LRRC49: variants seen among roughly 807,000 people sequenced by gnomAD.
LRRC49 encodes leucine-rich repeat-containing protein 49.
In LRRC49, 50 loss-of-function variants were observed where a neutral mutation model predicts 83.3. The ratio of observed to expected loss-of-function variants is 0.60; its 90% CI spans 0.48 to 0.76. The LOEUF (loss-of-function observed/expected upper bound fraction) is 0.76. Ranked by LOEUF, LRRC49 falls within the 30% of genes least tolerant of loss-of-function variation. The probability of loss-of-function intolerance (pLI) is 0.00; values close to 1 mark genes in which losing one functional copy is unlikely to be tolerated. For synonymous variants in LRRC49, 286 were observed against 283.3 expected (o/e 1.01, Z -0.10); for missense variants, 704 against 809.1 (o/e 0.87, Z 1.58).
chr15:70,862,165 C>G (rs546877683), intron 1 of LRRC49, among the ~76,000 whole-genome samples: 1 of 152,184 alleles, frequency 6.6e-6, no homozygotes, highest in East Asian at 1.9e-4. Context: ...TCCTCCATTC[C>G]CCAGGAAGAC....
upstream of LRRC49, chr15:70,892,452 G>C (rs1475673381): frequency 6.5e-7 from 1 of 1,534,100 alleles, no homozygotes; most frequent in Admixed American, 2.0e-5. Flanking sequence ...CAATGGGAGG[G>C]CTCTTTGATA....
In LRRC49 at chr15:71,044,167, A is replaced by G. The variant is rs182980337; in HGVS notation, c.1858-5242A>G. ...GTTCTCATCAACAAGCTAACTTAGT[A>G]TAGGTGGCTAATGTTCAGACTATAG... On this transcript the variant is annotated intron_variant, in intron 15 of 15. Coordinates refer to ENST00000260382, the MANE Select transcript of LRRC49 (RefSeq NM_017691.5). Among the ~76,000 whole-genome samples, 33 of 152,326 alleles carry G rather than the reference A, an allele frequency of 2.2e-4. No homozygotes were observed. The East Asian group carries it at 3.1e-3, about 14-fold the overall frequency.
chr15:70,868,504 T>C (rs892267899), intron 1 of LRRC49, among the ~76,000 whole-genome samples: 1 of 152,246 alleles, frequency 6.6e-6, no homozygotes, highest in Non-Finnish European at 1.5e-5. Flanking sequence ...TCTTCAATGC[T>C]TTCAACTGGT....
At chr15:71,008,299 G>A (rs561011919) in intron 11 of LRRC49, 80 bp from the exon 12 acceptor site, 111 of 757,010 alleles carry the variant, frequency 1.5e-4, no homozygotes, top group Non-Finnish European at 2.3e-4. Flanking sequence ...AAATTGTGAA[G>A]AGCTTTTCTG....
At chr15:70,968,376 C>T (rs2036870309) in intron 9 of LRRC49, among the ~76,000 whole-genome samples, 2 of 152,114 alleles carry the variant, frequency 1.3e-5, no homozygotes, top group South Asian at 2.1e-4. Context: ...TTTCTTTATC[C>T]AGCCTAAGAT....
At position 71,051,448 on chromosome 15, in the gene LRRC49, A is replaced by C. The variant is rs913656593; in HGVS notation, c.*1836A>C. ...ACCATTTCTCATCTGGCTAGTAAAC[A>C]CTTATCTCTCCTGGGCTTATATCTT... On this transcript the variant is annotated 3_prime_UTR_variant, in exon 16 of 16. Coordinates refer to ENST00000260382, the MANE Select transcript of LRRC49 (RefSeq NM_017691.5). 1 of 152,180 alleles carries C rather than the reference A, an allele frequency of 6.6e-6. No individual in the cohort carries two copies. The highest frequency in any genetic ancestry group is 1.5e-5 in the Non-Finnish European group (1 of 68,068). 9.4% of individuals were successfully genotyped at this position (152,180 alleles called of 1,614,324 possible).
At chr15:70,957,810 T>C (rs186876588) in intron 8 of LRRC49, among the ~76,000 whole-genome samples, 1 of 152,222 alleles carries the variant, frequency 6.6e-6, no homozygotes, top group African/African-American at 2.4e-5. Flanking sequence ...TTTTGAAATG[T>C]ATCTTAATGG....
chr15:70,898,322 C>A, intron 3 of LRRC49: 1 of 664,588 alleles, frequency 1.5e-6, no homozygotes, highest in Non-Finnish European at 2.7e-6. Context: ...TCTTAGTAAA[C>A]TGGAAAAACA....
chr15:70,968,163 G>C (rs1338885140), intron 9 of LRRC49, among the ~76,000 whole-genome samples: 1 of 151,884 alleles, frequency 6.6e-6, no homozygotes, highest in Non-Finnish European at 1.5e-5. Context: ...ACAGGCCCTG[G>C]TATGTGATGT....
At chr15:70,996,723 T>C (rs1478062866) in intron 11 of LRRC49, among the ~76,000 whole-genome samples, 2 of 152,204 alleles carry the variant, frequency 1.3e-5, no homozygotes, top group East Asian at 3.8e-4. Flanking sequence ...TCATCCACTA[T>C]AGGCAATAGG....
intron 15 of LRRC49, among the ~76,000 whole-genome samples, chr15:71,043,146 A>G (rs1018736714): frequency 3.9e-5 from 6 of 152,208 alleles, no homozygotes; most frequent in Non-Finnish European, 5.9e-5. Context: ...AGTTTTCTCT[A>G]TGGAAGTATT....
At chr15:71,001,422 G>C (rs2038250155) in intron 11 of LRRC49, among the ~76,000 whole-genome samples, 1 of 152,128 alleles carries the variant, frequency 6.6e-6, no homozygotes, top group African/African-American at 2.4e-5. Context: ...CTTACTGTTA[G>C]TTGCTTTCCA....
intron 11 of LRRC49, among the ~76,000 whole-genome samples, chr15:71,005,890 G>A (rs2038440600): frequency 6.6e-6 from 1 of 152,174 alleles, no homozygotes; most frequent in African/African-American, 2.4e-5. Flanking sequence ...TATAAACATT[G>A]TTTGGCAAGC....
At position 70,979,112 on chromosome 15, in the gene LRRC49, G is replaced by A. The variant is rs188579694; in HGVS notation, c.922-989G>A. 1.0e-3 allele frequency among the ~76,000 whole-genome samples: 158 copies of A among 151,922 alleles called. 1 individual carries two copies. Among genetic ancestry groups the A allele is most frequent in the Non-Finnish European group, 1.7e-3 (113 of 67,936 alleles). On this transcript the variant is annotated intron_variant, in intron 9 of 15. Transcript: ENST00000260382. ...TTTGGTAATGAAAATTAAAAGTTAC[G>A]TGGTTATAATTTATTAAAATCTGAC...
chr15:70,867,474 T>C (rs1267986094), intron 1 of LRRC49, among the ~76,000 whole-genome samples: 1 of 152,196 alleles, frequency 6.6e-6, no homozygotes, highest in Admixed American at 6.5e-5. Flanking sequence ...GCCTATGACC[T>C]CATTTAACCC....
chr15:70,955,512 G>T (rs1484801652), intron 8 of LRRC49, among the ~76,000 whole-genome samples: 1 of 152,154 alleles, frequency 6.6e-6, no homozygotes, highest in Non-Finnish European at 1.5e-5. Flanking sequence ...TGCTCTTAGG[G>T]TCCCAGATTT....
intron 7 of LRRC49, among the ~76,000 whole-genome samples, chr15:70,922,843 A>G (rs1052177045): frequency 2.0e-5 from 3 of 152,034 alleles, no homozygotes; most frequent in African/African-American, 7.2e-5. Flanking sequence ...TTTTAAAGCA[A>G]AAAATTAATA....
chr15:70,944,044 C>G (rs1290031448), intron 8 of LRRC49, among the ~76,000 whole-genome samples: 1 of 152,162 alleles, frequency 6.6e-6, no homozygotes, highest in African/African-American at 2.4e-5. Context: ...TATTTACCTG[C>G]AGAATATCTT....
intron 1 of LRRC49, among the ~76,000 whole-genome samples, chr15:70,871,732 C>A (rs1485053304): frequency 1.4e-5 from 2 of 144,082 alleles, no homozygotes; most frequent in African/African-American, 2.6e-5. Flanking sequence ...GGTGGTGGGG[C>A]AGACACACTC....
Sources: gnomAD v4.1 joint callset for allele counts (sites outside exome capture counted in the v4.1 genomes callset) on GRCh38, gnomAD v4.1.1 for gene constraint, MANE v1.5 for transcripts, NCBI Gene and HGNC (gene_info 2026-07-23, HGNC 2026-07-21) for gene names.